The following MPDZ variants were observed in gnomAD, a reference collection of about 807,000 sequenced individuals.
MPDZ encodes multiple PDZ domain crumbs cell polarity complex component, also known as multiple PDZ domain protein.
MPDZ carries 234 observed loss-of-function variants against 239.1 expected under a neutral mutation model. The observed-to-expected ratio is 0.98, with a 90% CI of 0.88 to 1.09. The LOEUF is 1.09. MPDZ is among the 50% of genes least tolerant of loss of function. The pLI is 0.00. For synonymous variants in MPDZ, 1,048 were observed against 881.3 expected (o/e 1.19, Z -3.35); for missense variants, 3,175 against 2,510.0 (o/e 1.26, Z -5.66).
At chr9:13,162,128 G>C (rs1476469397) in intron 23 of MPDZ, among the ~76,000 whole-genome samples, 1 of 152,040 alleles carries the variant, frequency 6.6e-6, no homozygotes, top group African/African-American at 2.4e-5. Flanking sequence ...GCCTGATGTG[G>C]TGGCACACAC....
intron 1 of MPDZ, among the ~76,000 whole-genome samples, chr9:13,269,282 T>C (rs1390504174): frequency 2.6e-5 from 4 of 152,202 alleles, no homozygotes; most frequent in African/African-American, 9.6e-5. Context: ...AAGAGAAATA[T>C]GGTTATATTC....
At chr9:13,156,579 C>T (rs1337512294) in intron 24 of MPDZ, among the ~76,000 whole-genome samples, 1 of 152,136 alleles carries the variant, frequency 6.6e-6, no homozygotes, top group Non-Finnish European at 1.5e-5. Flanking sequence ...GAAAGACCTG[C>T]CCCCATATTC....
chr9:13,170,798 T>C (rs1587478649), intron 21 of MPDZ, among the ~76,000 whole-genome samples: 1 of 152,176 alleles, frequency 6.6e-6, no homozygotes, highest in Non-Finnish European at 1.5e-5. Context: ...TCAGGTCACA[T>C]CAACCATGTA....
intron 13 of MPDZ, among the ~76,000 whole-genome samples, chr9:13,194,961 A>G (rs1033920186): frequency 6.6e-6 from 1 of 152,008 alleles, no homozygotes; most frequent in African/African-American, 2.4e-5. Flanking sequence ...CTCAATTCAT[A>G]TTTGACTGTT....
chr9:13,109,673 A>T (rs887460356), intron 45 of MPDZ, among the ~76,000 whole-genome samples: 1 of 152,174 alleles, frequency 6.6e-6, no homozygotes, highest in South Asian at 2.1e-4. Context: ...ATCAAGACTA[A>T]AATGTCCTCC....
chr9:13,205,643 G>C (rs1386604018), intron 11 of MPDZ, among the ~76,000 whole-genome samples: 2 of 152,132 alleles, frequency 1.3e-5, no homozygotes, highest in Non-Finnish European at 2.9e-5. Flanking sequence ...ATGACTGCCT[G>C]TTTCCAACTG....
At chr9:13,185,011 G>C (rs1306936056) in intron 18 of MPDZ, among the ~76,000 whole-genome samples, 1 of 151,920 alleles carries the variant, frequency 6.6e-6, no homozygotes, top group Admixed American at 6.6e-5. Flanking sequence ...ATTTCGTCGG[G>C]TACTTTAGAA....
chr9:13,193,129 CTTA>C, intron 14 of MPDZ, 35 bp downstream of exon 14: 1 of 1,428,180 alleles, frequency 7.0e-7, no homozygotes, highest in African/African-American at 1.4e-5. Context: ...TTTTCCATGT[CTTA>C]TTTAAGGAGG....
At chr9:13,133,778 G>A (rs1210504645) in intron 32 of MPDZ, 46 bp downstream of exon 32, 2 of 1,318,952 alleles carry the variant, frequency 1.5e-6, no homozygotes, top group African/African-American at 1.5e-5. Context: ...AGAACACTGA[G>A]GTAAAGGAAC....
At chr9:13,216,983 C>G in intron 9 of MPDZ, 121 bp from the exon 10 acceptor site, 1 of 818,998 alleles carries the variant, frequency 1.2e-6, no homozygotes, top group East Asian at 2.7e-5. Flanking sequence ...AGTAGAAACA[C>G]AGGCTAAAGA....
At position 13,219,578 on chromosome 9, in the gene MPDZ, G is replaced by C; in HGVS notation, c.1067C>G (p.Thr356Ser). The C allele has an allele frequency of 6.2e-7, 1 of 1,611,944 alleles. No homozygotes were observed. Among genetic ancestry groups the C allele is most frequent in the South Asian group, 1.1e-5 (1 of 91,004 alleles). Residue 356 changes from threonine (T) to serine (S), a missense_variant, in exon 8 of 47, where the codon ACT becomes AGT. By Grantham distance (58) the Thr-to-Ser change is moderately conservative. Transcript: ENST00000319217. ...ACTTACCCGCAACTCTGGTGTTGAA[G>C]TTGGGGATGAGGAGAGGGTGATGCC... is the stretch of plus-strand genomic sequence containing the variant. ...ALGITLSSSP[T>S]STPELRVDAS... is the part of the protein sequence containing the mutation.
In MPDZ at chr9:13,267,049, C is replaced by A. The variant is rs978077371; in HGVS notation, c.-58+12351G>T. On this transcript the variant is annotated intron_variant, in intron 1 of 46. Transcript: ENST00000319217. The stretch of plus-strand genomic sequence containing the variant: ...AAATATATATTCATCACTGGAATGT[C>A]TAAAATGTAGGCTTGGTTGCAATAC... Among the ~76,000 whole-genome samples the A allele has an allele frequency of 9.2e-5, 14 of 152,276 alleles. No homozygotes were observed. In the South Asian group the frequency reaches 1.0e-3, roughly 11 times the overall value.
At chr9:13,139,268 G>C (rs73406224) in intron 28 of MPDZ, among the ~76,000 whole-genome samples, 4,017 of 152,140 alleles carry the variant, frequency 0.026, 160 homozygotes, top group South Asian at 0.095. Flanking sequence ...GAAATAATTC[G>C]ATTTTTAAAA....
intron 27 of MPDZ, among the ~76,000 whole-genome samples, chr9:13,143,062 T>C (rs1210477186): frequency 6.6e-6 from 1 of 152,146 alleles, no homozygotes; most frequent in Non-Finnish European, 1.5e-5. Flanking sequence ...GATTAACTCA[T>C]GGAAGAGCTT....
At chr9:13,217,062 A>G in intron 9 of MPDZ, 118 bp downstream of exon 9, 1 of 839,336 alleles carries the variant, frequency 1.2e-6, no homozygotes, top group Non-Finnish European at 1.8e-6. Context: ...TTCCTAAGGA[A>G]GTTTTCAACC....
chr9:13,160,395 C>T (rs1326415498), intron 23 of MPDZ, among the ~76,000 whole-genome samples: 1 of 152,096 alleles, frequency 6.6e-6, no homozygotes. Context: ...AGTCACAGCA[C>T]AGGACAATCC....
intron 1 of MPDZ, among the ~76,000 whole-genome samples, chr9:13,270,418 C>T: frequency 6.6e-6 from 1 of 152,106 alleles, no homozygotes; most frequent in East Asian, 1.9e-4. Context: ...AGCTTAGCTG[C>T]ATGAGCTAAA....
intron 11 of MPDZ, among the ~76,000 whole-genome samples, chr9:13,205,418 C>T (rs1188437224): frequency 6.6e-6 from 1 of 152,150 alleles, no homozygotes; most frequent in Admixed American, 6.5e-5. Context: ...AACCCCTGAG[C>T]TACACAGGGG....
intron 3 of MPDZ, among the ~76,000 whole-genome samples, chr9:13,232,110 T>A (rs1962664313): frequency 6.6e-6 from 1 of 152,074 alleles, no homozygotes; most frequent in Admixed American, 6.6e-5. Flanking sequence ...AAATTAAAAG[T>A]ATAAAGACTA....
Sources: gnomAD v4.1 joint callset for allele counts (sites outside exome capture counted in the v4.1 genomes callset) on GRCh38, gnomAD v4.1.1 for gene constraint, MANE v1.5 for transcripts, NCBI Gene and HGNC (gene_info 2026-07-23, HGNC 2026-07-21) for gene names.